Variants in MAST3 observed in about 807,000 individuals in gnomAD.
The protein encoded by MAST3 is microtubule associated serine/threonine kinase 3.
Under a neutral mutation model 127.0 loss-of-function variants are expected in MAST3, and 43 were observed. The observed-to-expected ratio is 0.34, with a 90% CI of 0.27 to 0.44. MAST3 has a LOEUF of 0.44. Among genes scored for constraint, MAST3 ranks in the 20% least tolerant of loss-of-function variants. The probability of loss-of-function intolerance (pLI) is 1.00; values close to 1 mark genes in which losing one functional copy is unlikely to be tolerated. For synonymous variants in MAST3, 785 were observed against 809.2 expected, an observed-to-expected ratio of 0.97 and a Z score of 0.51; for missense variants, 1,390 against 1,919.1, an observed-to-expected ratio of 0.72 and a Z score of 5.15.
At chr19:18,102,953 C>T (rs1271133042) in intron 1 of MAST3, among the ~76,000 whole-genome samples, 1 of 152,178 alleles carries the variant, frequency 6.6e-6, no homozygotes, top group Non-Finnish European at 1.5e-5. Flanking sequence ...GGGGCTAAAG[C>T]TTGTTGGGGA....
rs1427656917 is a variant in MAST3 at position 18,121,744 on chromosome 19, G to A, written c.221G>A (p.Arg74Gln). The A allele has an allele frequency of 6.2e-6, 10 of 1,613,860 alleles. No homozygotes were observed. Among genetic ancestry groups the A allele is most frequent in the African/African-American group, 4.0e-5 (3 of 74,934 alleles). ...GGAACGCCCTCCCCGACCCTCTCCC[G>A]GCCCCTGTCGCCATTGTCGGTCCCA... Reference protein sequence around the residue: ...VVGTPSPTLSRPLSPLSVPTG... With the variant: ...VVGTPSPTLSQPLSPLSVPTG... Residue 74 changes from arginine (R) to glutamine (Q), a missense_variant, in exon 4 of 28, where the codon CGG becomes CAG. Physicochemically the swap from Arg to Gln is conservative, Grantham distance 43. Around this residue, in one of 5 missense-constraint regions of MAST3, gnomAD observed 45 missense variants for 113.0 expected, o/e 0.40. Coordinates refer to ENST00000687212, the MANE Select transcript of MAST3 (RefSeq NM_001393504.1).
rs767704917 is a variant in MAST3 at position 18,123,366 on chromosome 19, C to T, written c.549C>T (p.Arg183=). ...CACCCCGCCTCCGACCCCGCTCTCG[C>T]AGTCTCAGGTGGGCCGCGACCTCTG... ...GRSPRLRPRS[R]SLSPGRATGT... The change falls in exon 7 of 28, where the codon CGC becomes CGT. Residue 183 remains arginine (R), a synonymous_variant. Coordinates refer to ENST00000687212, the MANE Select transcript of MAST3 (RefSeq NM_001393504.1). 70 of 1,611,610 alleles carry T rather than the reference C, an allele frequency of 4.3e-5. 1 individual carries two copies. The South Asian group carries it at 7.5e-4, about 17-fold the overall frequency.
rs1329509433 is a variant in MAST3 at position 18,139,970 on chromosome 19, C to T, written c.2205+846C>T. Among the ~76,000 whole-genome samples the T allele has an allele frequency of 2.1e-3, 314 of 150,262 alleles. 1 individual carries two copies. The highest frequency in any genetic ancestry group is 3.8e-3 in the Admixed American group (58 of 15,120). On this transcript the variant is annotated intron_variant, in intron 20 of 27. Transcript: ENST00000687212. ...AAGTAGCTGGGATTACAGGTGCCCG[C>T]CACCACGCCCGGCTAATTTTTTGTA...
intron 20 of MAST3, among the ~76,000 whole-genome samples, chr19:18,140,853 G>C (rs1435791094): frequency 1.3e-5 from 2 of 152,044 alleles, no homozygotes; most frequent in Non-Finnish European, 2.9e-5. Context: ...GAGTGCAATA[G>C]TGCAATCTCA....
At chr19:18,097,976 C>A in intron 1 of MAST3, 145 bp downstream of exon 1, 1 of 601,822 alleles carries the variant, frequency 1.7e-6, no homozygotes, top group South Asian at 8.4e-5. Flanking sequence ...TTCTTTTTGA[C>A]CACCCGCTTC....
At chr19:18,126,229 G>GAA (rs148371435) in intron 11 of MAST3, among the ~76,000 whole-genome samples, 9 of 149,546 alleles carry the variant, frequency 6.0e-5, no homozygotes, top group Non-Finnish European at 1.2e-4. Flanking sequence ...CTCAAAAAGA[G>GAA]AAAAAAAAAA....
intron 13 of MAST3, 76 bp downstream of exon 13, chr19:18,129,027 TCCCCCTCCTAC>T (rs2040970513): frequency 7.9e-7 from 1 of 1,269,642 alleles, no homozygotes; most frequent in South Asian, 1.2e-5. Flanking sequence ...AGCTCCTGCA[TCCCCCTCCTAC>T]CCCAGCAGGG....
intron 1 of MAST3, among the ~76,000 whole-genome samples, chr19:18,103,705 T>C (rs984943851): frequency 2.4e-4 from 36 of 152,102 alleles, no homozygotes; most frequent in Admixed American, 2.4e-3. Context: ...AGGGACCCTA[T>C]GTCACTGGGC....
At chr19:18,102,413 A>G (rs558194058) in intron 1 of MAST3, among the ~76,000 whole-genome samples, 9 of 148,492 alleles carry the variant, frequency 6.1e-5, no homozygotes, top group African/African-American at 2.3e-4. Context: ...TCCTGACCTC[A>G]GGTGATCTGC....
At chr19:18,128,802 G>C (rs191162872) in intron 12 of MAST3, 64 bp from the exon 13 acceptor site, 1 of 1,338,136 alleles carries the variant, frequency 7.5e-7, no homozygotes, top group African/African-American at 1.4e-5. Flanking sequence ...TTTGGGCTTG[G>C]GGGCAGGAGA....
intron 15 of MAST3, among the ~76,000 whole-genome samples, chr19:18,132,434 A>G (rs891556865): frequency 4.6e-5 from 7 of 152,168 alleles, no homozygotes; most frequent in African/African-American, 9.7e-5. Context: ...TAAGACACCA[A>G]CTACACACAC....
intron 2 of MAST3, among the ~76,000 whole-genome samples, chr19:18,108,077 G>A (rs1325065269): frequency 1.3e-5 from 2 of 152,060 alleles, no homozygotes; most frequent in Non-Finnish European, 2.9e-5. Context: ...GATCACTTGA[G>A]GCCAGAAGTT....
In MAST3 at chr19:18,149,255, T is replaced by C; in HGVS notation, c.3573T>C (p.Ala1191=). 2 of 1,547,798 alleles carry C rather than the reference T, an allele frequency of 1.3e-6. No homozygotes were observed. Among genetic ancestry groups the C allele is most frequent in the Non-Finnish European group, 1.7e-6 (2 of 1,150,382 alleles). ...GCAGCCCCGCCTCCCCAGCTGCTGC[T>C]GGCCACACCCGCCCCAGCTCCCTGC... is the stretch of plus-strand genomic sequence containing the variant. ...SSSSPASPAA[A]GHTRPSSLHG... Residue 1191 remains alanine (A), a synonymous_variant, in exon 28 of 28, where the codon GCT becomes GCC. Coordinates refer to ENST00000687212, the MANE Select transcript of MAST3 (RefSeq NM_001393504.1). The surrounding 1 kb of genome is among the most constrained non-coding windows in gnomAD (Gnocchi z 5.9).
In MAST3 at chr19:18,105,860, C is replaced by T. The variant is rs534787128; in HGVS notation, c.40-1727C>T. Among the ~76,000 whole-genome samples, 3 of 152,138 alleles carry T rather than the reference C, an allele frequency of 2.0e-5. No homozygotes were observed. In the South Asian group the frequency reaches 6.2e-4, roughly 32 times the overall value. On this transcript the variant is annotated intron_variant, in intron 1 of 27. Transcript: ENST00000687212. ...CTTCAAAAGGGAGTCACCCGTCAGC[C>T]GTCCTCCCCACGCCCCCACTGGTAC...
chr19:18,127,458 C>T (rs1315937655), intron 11 of MAST3, among the ~76,000 whole-genome samples: 3 of 152,000 alleles, frequency 2.0e-5, no homozygotes, highest in Admixed American at 1.3e-4. Context: ...CCGAGGCAGG[C>T]GGATTACCTG....
chr19:18,099,574 A>G (rs2037377889), intron 1 of MAST3, among the ~76,000 whole-genome samples: 4 of 152,214 alleles, frequency 2.6e-5, no homozygotes. Flanking sequence ...AGAGAAGCAT[A>G]GCCACTGTCC....
rs1234909531 is a variant in MAST3, at chr19:18,130,358, A to G, written c.1224-136A>G. On this transcript the variant is annotated intron_variant, in intron 13 of 27. Coordinates refer to ENST00000687212, the MANE Select transcript of MAST3 (RefSeq NM_001393504.1). ...GCTGCTCTGGGAGGGGGAACAGGTA[A>G]GGAGAATGGGTGGCCCAGGTGGAGG... 6.8e-6 allele frequency: 5 copies of G among 732,680 alleles called. No individual in the cohort carries two copies. The East Asian group carries it at 1.3e-4, about 20-fold the overall frequency. 45.4% of individuals were successfully genotyped at this position (732,680 alleles called of 1,614,324 possible). A position where few individuals can be genotyped will look rare whatever the true frequency, so the allele number is the denominator to read the frequency against.
rs1258211492 is a variant in MAST3, at chr19:18,149,109, C to T, written c.3509-82C>T. ...CCACATGGAAGGATGTGGGCTTTAG[C>T]AGTTTTTGTCAGTCCCACAGCTCCA... On this transcript the variant is annotated intron_variant, in intron 27 of 27. Transcript: ENST00000687212. This position sits in a 1 kb window ranked among gnomAD's most constrained non-coding sequence, Gnocchi z 5.9. 3 of 1,355,834 alleles carry T rather than the reference C, an allele frequency of 2.2e-6. No homozygotes were observed. Among genetic ancestry groups the T allele is most frequent in the Non-Finnish European group, 2.9e-6 (3 of 1,040,386 alleles). 84.0% of individuals were successfully genotyped at this position (1,355,834 alleles called of 1,614,324 possible).
intron 21 of MAST3, among the ~76,000 whole-genome samples, chr19:18,143,173 G>C (rs628659): frequency 6.6e-6 from 1 of 151,826 alleles, no homozygotes; most frequent in East Asian, 2.0e-4. Context: ...TATGTTGCCC[G>C]CCCTGGTCTC....
Sources: gnomAD v4.1 joint callset for allele counts (sites outside exome capture counted in the v4.1 genomes callset) on GRCh38, gnomAD v4.1.1 for gene constraint, gnomAD v4.1.1 regional missense constraint, Gnocchi (gnomAD v3.1) non-coding constraint, MANE v1.5 for transcripts, NCBI Gene and HGNC (gene_info 2026-07-23, HGNC 2026-07-21) for gene names.